KCNH1: variants seen among roughly 807,000 people sequenced by gnomAD.
The protein encoded by KCNH1 is voltage-gated delayed rectifier potassium channel KCNH1.
KCNH1 carries 27 observed loss-of-function variants against 69.2 expected under a neutral mutation model. The observed-to-expected ratio is 0.39, with a 90% CI of 0.29 to 0.54. The LOEUF is 0.54. KCNH1 is among the 20% of genes least tolerant of loss of function. KCNH1 has a pLI of 0.68. For missense variants in KCNH1, 798 were observed against 1,261.6 expected, an observed-to-expected ratio of 0.63 and a Z score of 5.57; for synonymous variants, 456 against 487.7, an observed-to-expected ratio of 0.93 and a Z score of 0.86.
chr1:210,769,925 A>G (rs188522970), intron 10 of KCNH1, among the ~76,000 whole-genome samples: 56 of 152,290 alleles, frequency 3.7e-4, no homozygotes, highest in Non-Finnish European at 2.8e-4. Flanking sequence ...AAAGGGAAAA[A>G]TATGTATTGA....
intron 5 of KCNH1, among the ~76,000 whole-genome samples, chr1:211,032,741 C>T (rs1307182293): frequency 6.6e-6 from 1 of 152,194 alleles, no homozygotes; most frequent in African/African-American, 2.4e-5. Context: ...CCCTTCCTTA[C>T]ACCTTATACG....
chr1:211,028,134 A>T (rs1314230390), intron 5 of KCNH1, among the ~76,000 whole-genome samples: 1 of 152,152 alleles, frequency 6.6e-6, no homozygotes, highest in Non-Finnish European at 1.5e-5. Context: ...ACCAGAGTGT[A>T]TTCTCAGCTA....
intron 10 of KCNH1, among the ~76,000 whole-genome samples, chr1:210,694,287 C>T (rs1396624506): frequency 6.6e-6 from 1 of 152,054 alleles, no homozygotes; most frequent in African/African-American, 2.4e-5. Flanking sequence ...ACAAGATGTC[C>T]CTTCTCGGTG....
intron 6 of KCNH1, among the ~76,000 whole-genome samples, chr1:210,944,188 T>C (rs1687920012): frequency 6.6e-6 from 1 of 152,220 alleles, no homozygotes; most frequent in South Asian, 2.1e-4. Flanking sequence ...CTACAGCATA[T>C]CAATTCATAA....
chr1:210,829,227 G>A (rs1685107382), intron 7 of KCNH1, among the ~76,000 whole-genome samples: 1 of 152,126 alleles, frequency 6.6e-6, no homozygotes, highest in African/African-American at 2.4e-5. Flanking sequence ...ATCCTTCTAA[G>A]AAGGCATTCA....
At chr1:210,924,792 C>A (rs931012536) in intron 6 of KCNH1, among the ~76,000 whole-genome samples, 7 of 152,122 alleles carry the variant, frequency 4.6e-5, no homozygotes, top group Non-Finnish European at 5.9e-5. Flanking sequence ...GGGTTGAGAA[C>A]CAGCCTGTCA....
chr1:210,981,886 G>A (rs76267769), intron 6 of KCNH1, among the ~76,000 whole-genome samples: 2,066 of 152,196 alleles, frequency 0.014, 42 homozygotes, highest in Non-Finnish European at 0.017. Flanking sequence ...GGGGCCAGGG[G>A]AATGTGTATG....
chr1:211,000,682 A>G (rs996829190), intron 6 of KCNH1, among the ~76,000 whole-genome samples: 1 of 152,136 alleles, frequency 6.6e-6, no homozygotes, highest in Non-Finnish European at 1.5e-5. Context: ...GATATGGAAC[A>G]AAAAAAGAGC....
At chr1:211,111,077 TTTAA>T (rs987514698) in intron 1 of KCNH1, among the ~76,000 whole-genome samples, 9 of 152,146 alleles carry the variant, frequency 5.9e-5, no homozygotes, top group Non-Finnish European at 8.8e-5. Context: ...TGTACTTAAT[TTTAA>T]TTAATTTAAT....
At chr1:210,928,366 T>A (rs1435098142) in intron 6 of KCNH1, among the ~76,000 whole-genome samples, 1 of 152,034 alleles carries the variant, frequency 6.6e-6, no homozygotes, top group Non-Finnish European at 1.5e-5. Flanking sequence ...CATAAAGTAC[T>A]CTCTTAAACC....
At chr1:210,996,735 A>C (rs1025560763) in intron 6 of KCNH1, among the ~76,000 whole-genome samples, 6 of 152,216 alleles carry the variant, frequency 3.9e-5, no homozygotes, top group Non-Finnish European at 7.3e-5. Flanking sequence ...GGCACCCCCC[A>C]GTAGGGGCAG....
intron 6 of KCNH1, among the ~76,000 whole-genome samples, chr1:210,987,810 T>C (rs985734643): frequency 6.6e-6 from 1 of 152,206 alleles, no homozygotes; most frequent in Non-Finnish European, 1.5e-5. Context: ...TCTTCAAAGC[T>C]GTCAGACAGG....
chr1:210,962,975 C>A (rs555321997), intron 6 of KCNH1, among the ~76,000 whole-genome samples: 1 of 151,346 alleles, frequency 6.6e-6, no homozygotes, highest in East Asian at 1.9e-4. Context: ...GTGATGGCTG[C>A]TCACGTGTTT....
chr1:211,123,984 A>G (rs1691734348), intron 1 of KCNH1, among the ~76,000 whole-genome samples: 1 of 152,186 alleles, frequency 6.6e-6, no homozygotes, highest in African/African-American at 2.4e-5. Flanking sequence ...TGGCCACTCA[A>G]TGAAGTCAGG....
At chr1:211,013,573 C>A (rs1241473038) in intron 6 of KCNH1, among the ~76,000 whole-genome samples, 2 of 152,212 alleles carry the variant, frequency 1.3e-5, no homozygotes, top group Admixed American at 6.5e-5. Flanking sequence ...CAGCATGACC[C>A]GCAGGAGAAA....
chr1:210,876,206 C>T (rs1359414643), intron 7 of KCNH1, among the ~76,000 whole-genome samples: 1 of 152,112 alleles, frequency 6.6e-6, no homozygotes, highest in African/African-American at 2.4e-5. Flanking sequence ...AACTGACCCA[C>T]CAGTTAAAAT....
intron 6 of KCNH1, among the ~76,000 whole-genome samples, chr1:210,962,105 T>C (rs1299762128): frequency 1.2e-4 from 19 of 152,132 alleles, no homozygotes; most frequent in Admixed American, 1.2e-3. Context: ...CTCTGTGCAA[T>C]TTTCTTCTCT....
At chr1:210,761,944 A>G (rs60130015) in intron 10 of KCNH1, among the ~76,000 whole-genome samples, 2,820 of 152,240 alleles carry the variant, frequency 0.019, 89 homozygotes, top group African/African-American at 0.064. Flanking sequence ...CACAGTATAC[A>G]TTCTTCTCAT....
At position 211,019,073 on chromosome 1, in the gene KCNH1, C is replaced by G. The variant is rs1417499454; in HGVS notation, c.742G>C (p.Val248Leu). The change falls in exon 6 of 11, where the codon GTG becomes CTG. Residue 248 changes from valine to leucine, a missense_variant. Coordinates refer to ENST00000271751, the MANE Select transcript of KCNH1 (RefSeq NM_172362.3). Reference sequence around the variant, plus strand: ...ATGCTATCAACAACCAGCCAGGCCACATTATTCTGCCTGGTTTTGAAGGAG... The same window carrying G: ...ATGCTATCAACAACCAGCCAGGCCAGATTATTCTGCCTGGTTTTGAAGGAG... The part of the protein sequence containing the change: ...NVSFKTRQNN[V>L]AWLVVDSIVD... 1 of 1,614,022 alleles carries G rather than the reference C, an allele frequency of 6.2e-7. No homozygotes were observed. Among genetic ancestry groups the G allele is most frequent in the Non-Finnish European group, 8.5e-7 (1 of 1,179,962 alleles).
Sources: allele counts gnomAD v4.1 joint callset (sites outside exome capture counted in the v4.1 genomes callset), GRCh38; gene constraint gnomAD v4.1.1; transcripts MANE v1.5; gene names NCBI Gene and HGNC (gene_info 2026-07-23, HGNC 2026-07-21).